Variants in CYYR1 observed in about 807,000 individuals in gnomAD.
The protein encoded by CYYR1 is cysteine and tyrosine rich 1, also known as cysteine and tyrosine-rich protein 1.
A neutral mutation model predicts 15.2 loss-of-function variants in CYYR1; 14 were observed. The observed-to-expected ratio is 0.92, with a 90% CI of 0.61 to 1.44. The LOEUF is 1.44. Among genes scored for constraint, CYYR1 ranks in the 40% most tolerant of loss-of-function variants. CYYR1 has a pLI of 0.00. For synonymous variants in CYYR1, 80 were observed against 77.4 expected (o/e 1.03, Z -0.18); for missense variants, 228 against 209.5 (o/e 1.09, Z -0.54).
intron 2 of CYYR1, among the ~76,000 whole-genome samples, chr21:26,560,809 T>C (rs549611887): frequency 6.6e-6 from 1 of 152,296 alleles, no homozygotes; most frequent in East Asian, 1.9e-4. Context: ...TGCTCCTCAG[T>C]AGCTTCTAAG....
intron 2 of CYYR1, among the ~76,000 whole-genome samples, chr21:26,492,494 T>C (rs1004329041): frequency 2.6e-5 from 4 of 152,158 alleles, no homozygotes; most frequent in African/African-American, 9.7e-5. Context: ...CTTTGTATGG[T>C]TGGCATTATT....
intron 3 of CYYR1, among the ~76,000 whole-genome samples, chr21:26,472,849 T>C (rs945477936): frequency 2.0e-5 from 3 of 152,168 alleles, no homozygotes; most frequent in African/African-American, 7.2e-5. Context: ...AGTCTTCTTT[T>C]TCAGATAGTT....
intron 2 of CYYR1, among the ~76,000 whole-genome samples, chr21:26,556,938 A>T (rs222965): frequency 0.72 from 109,886 of 152,070 alleles, 40,408 homozygotes; most frequent in East Asian, 0.88. Flanking sequence ...TAGGTCTTCA[A>T]AAGGATAGCA....
At chr21:26,494,733 A>G (rs1216252878) in intron 2 of CYYR1, among the ~76,000 whole-genome samples, 2 of 152,150 alleles carry the variant, frequency 1.3e-5, no homozygotes, top group African/African-American at 4.8e-5. Flanking sequence ...ATATGTAATT[A>G]CTATTTGTCA....
chr21:26,557,414 T>G (rs1979867079), intron 2 of CYYR1, among the ~76,000 whole-genome samples: 1 of 152,174 alleles, frequency 6.6e-6, no homozygotes, highest in Non-Finnish European at 1.5e-5. Flanking sequence ...CAATTCAGAA[T>G]GAACTGAAAT....
At position 26,530,381 on chromosome 21, in the gene CYYR1, A is replaced by G. The variant is rs537533032; in HGVS notation, c.176+35885T>C. Among the ~76,000 whole-genome samples, 34 of 152,156 alleles carry G rather than the reference A, an allele frequency of 2.2e-4. No homozygotes were observed. In the East Asian group the frequency reaches 6.4e-3, roughly 28 times the overall value. ...TTTTCTGCAAATGTTGCCTCCAGTT[A>G]TAGTTTTTCTTTTAATTGTTAGGAT... On this transcript the variant is annotated intron_variant, in intron 2 of 3. Coordinates refer to ENST00000652641, the MANE Select transcript of CYYR1 (RefSeq NM_001320768.2).
intron 2 of CYYR1, among the ~76,000 whole-genome samples, chr21:26,502,635 T>C (rs775718476): frequency 6.6e-6 from 1 of 152,126 alleles, no homozygotes; most frequent in Non-Finnish European, 1.5e-5. Flanking sequence ...GATATGACAG[T>C]GTCTATTTCT....
At chr21:26,512,049 T>A (rs1049826127) in intron 2 of CYYR1, among the ~76,000 whole-genome samples, 1 of 151,634 alleles carries the variant, frequency 6.6e-6, no homozygotes, top group Non-Finnish European at 1.5e-5. Context: ...CAGAATGGGA[T>A]TCCCTTTTCA....
chr21:26,537,283 A>G (rs1324141873), intron 2 of CYYR1, among the ~76,000 whole-genome samples: 2 of 152,176 alleles, frequency 1.3e-5, no homozygotes, highest in Non-Finnish European at 2.9e-5. Flanking sequence ...CTCAGACCTT[A>G]AGGGATACAA....
At chr21:26,515,677 G>T (rs1319686003) in intron 2 of CYYR1, among the ~76,000 whole-genome samples, 1 of 151,992 alleles carries the variant, frequency 6.6e-6, no homozygotes, top group Non-Finnish European at 1.5e-5. Flanking sequence ...GCATTGATAT[G>T]GTTCTATGCT....
chr21:26,553,530 C>T (rs1979543065), intron 2 of CYYR1, among the ~76,000 whole-genome samples: 3 of 152,090 alleles, frequency 2.0e-5, no homozygotes, highest in Admixed American at 2.0e-4. Context: ...TGTCCTGAAG[C>T]CTATTTCTAT....
intron 2 of CYYR1, among the ~76,000 whole-genome samples, chr21:26,560,985 T>C (rs1316770139): frequency 6.6e-6 from 1 of 152,224 alleles, no homozygotes; most frequent in Admixed American, 6.5e-5. Flanking sequence ...CAATTAGGCT[T>C]AATTTACAAA....
At chr21:26,498,916 A>C (rs1362068481) in intron 2 of CYYR1, among the ~76,000 whole-genome samples, 1 of 151,994 alleles carries the variant, frequency 6.6e-6, no homozygotes, top group East Asian at 1.9e-4. Flanking sequence ...AAATTTAATT[A>C]CCTCCCACTG....
At chr21:26,548,600 C>T (rs181031570) in intron 2 of CYYR1, among the ~76,000 whole-genome samples, 1 of 152,342 alleles carries the variant, frequency 6.6e-6, no homozygotes, top group African/African-American at 2.4e-5. Context: ...CCTCCCACCT[C>T]AGCATCCCAA....
intron 2 of CYYR1, among the ~76,000 whole-genome samples, chr21:26,491,747 C>T (rs762108352): frequency 2.3e-4 from 35 of 152,164 alleles, no homozygotes; most frequent in Non-Finnish European, 4.7e-4. Context: ...ACGTGCCTAA[C>T]CCAGTGTCTT....
At chr21:26,477,793 A>G in intron 3 of CYYR1, 1 of 984,862 alleles carries the variant, frequency 1.0e-6, no homozygotes, top group Non-Finnish European at 1.2e-6. Context: ...CTCTTGGGTT[A>G]TGGTTTGACC....
At chr21:26,472,211 T>TTCTTCATA (rs2065043885) in intron 3 of CYYR1, among the ~76,000 whole-genome samples, 2 of 152,214 alleles carry the variant, frequency 1.3e-5, no homozygotes, top group Admixed American at 1.3e-4. Context: ...CTGCTGCATA[T>TTCTTCATA]TCTTCATAAG....
chr21:26,532,231 T>C (rs1038805821), intron 2 of CYYR1, among the ~76,000 whole-genome samples: 1 of 152,130 alleles, frequency 6.6e-6, no homozygotes, highest in African/African-American at 2.4e-5. Flanking sequence ...AAGGTGATCA[T>C]GAAAACAGTA....
rs1323824516 is a variant in CYYR1, at chr21:26,520,113, G to GATAGATATATATATATATATAT, written c.177-39685_177-39684insATATATATATATATATATCTAT. Among the ~76,000 whole-genome samples the GATAGATATATATATATATATAT allele has an allele frequency of 6.6e-5, 8 of 120,698 alleles. 1 individual carries two copies. The highest frequency in any genetic ancestry group is 2.7e-4 in the African/African-American group (8 of 29,530). 79.2% of individuals were successfully genotyped at this position (120,698 alleles called of 152,430 possible). ...TCTTCTTCTAAAAAAAAACCCAGGA[G>GATAGATATATATATATATATAT]ATATATATATATATATATATATATA... On this transcript the variant is annotated intron_variant, in intron 2 of 3. Transcript: ENST00000652641.
Sources: gnomAD v4.1 joint callset for allele counts (sites outside exome capture counted in the v4.1 genomes callset) on GRCh38, gnomAD v4.1.1 for gene constraint, MANE v1.5 for transcripts, NCBI Gene and HGNC (gene_info 2026-07-23, HGNC 2026-07-21) for gene names.